The following CYP2J2 variants were observed in gnomAD, a reference collection of about 807,000 sequenced individuals.
CYP2J2 encodes the protein cytochrome P450 2J2.
A neutral mutation model predicts 48.8 loss-of-function variants in CYP2J2; 41 were observed. That is an observed-to-expected ratio of 0.84 (90% CI 0.66 to 1.09). CYP2J2 has a LOEUF of 1.09. Ranked by LOEUF, CYP2J2 falls within the 50% of genes least tolerant of loss-of-function variation. The probability of loss-of-function intolerance (pLI) is 0.00; values close to 1 mark genes in which losing one functional copy is unlikely to be tolerated. For missense variants in CYP2J2, 644 were observed against 617.3 expected (o/e 1.04, Z -0.46); for synonymous variants, 221 against 227.1 (o/e 0.97, Z 0.24).
chr1:59,900,586 A>G (rs534015707), intron 8 of CYP2J2, among the ~76,000 whole-genome samples: 1 of 152,310 alleles, frequency 6.6e-6, no homozygotes, highest in East Asian at 1.9e-4. Flanking sequence ...GTGAGCTGAG[A>G]TCATGGCATT....
intron 2 of CYP2J2, 74 bp from the exon 3 acceptor site, chr1:59,912,385 T>C: frequency 6.8e-7 from 1 of 1,478,724 alleles, no homozygotes; most frequent in East Asian, 2.3e-5. Flanking sequence ...TATGGGAATG[T>C]GTATCAGATG....
the CYP2J2 span, among the ~76,000 whole-genome samples, chr1:59,944,508 C>A: frequency 1.8e-4 from 28 of 152,202 alleles, no homozygotes; most frequent in African/African-American, 6.3e-4. Flanking sequence ...CAAGCATGAG[C>A]CACTGTGCCT....
intron 5 of CYP2J2, among the ~76,000 whole-genome samples, chr1:59,909,363 T>G (rs1238929730): frequency 6.6e-6 from 1 of 152,140 alleles, no homozygotes; most frequent in Admixed American, 6.5e-5. Context: ...CCTGGAACAT[T>G]CCAGTGGGCC....
the CYP2J2 span, among the ~76,000 whole-genome samples, chr1:59,952,256 A>G: frequency 6.6e-6 from 1 of 151,470 alleles, no homozygotes; most frequent in Admixed American, 6.6e-5. Flanking sequence ...CATAGCCACA[A>G]TGAACCTTGT....
At chr1:59,909,641 C>T (rs1464140688) in intron 5 of CYP2J2, 143 bp downstream of exon 5, 2 of 594,800 alleles carry the variant, frequency 3.4e-6, no homozygotes, top group African/African-American at 2.0e-5. Flanking sequence ...TTTCATACTT[C>T]TGATATCTAG....
chr1:59,916,228 T>C (rs1489058575), intron 1 of CYP2J2, 128 bp from the exon 2 acceptor site: 2 of 603,146 alleles, frequency 3.3e-6, no homozygotes, highest in African/African-American at 3.7e-5. Context: ...TGTGTACGTG[T>C]GTGTGTGTGT....
At chr1:59,961,099 A>C in the CYP2J2 span, among the ~76,000 whole-genome samples, 1 of 152,226 alleles carries the variant, frequency 6.6e-6, no homozygotes, top group Admixed American at 6.5e-5. Flanking sequence ...TCTTAGAGAC[A>C]ATATCTAAAG....
the CYP2J2 span, among the ~76,000 whole-genome samples, chr1:59,942,533 G>T: frequency 1.3e-5 from 2 of 152,068 alleles, no homozygotes; most frequent in Non-Finnish European, 2.9e-5. Context: ...GGTCAGTTTG[G>T]TTTATATTTT....
chr1:59,902,094 T>C (rs1178986719), intron 7 of CYP2J2, among the ~76,000 whole-genome samples: 2 of 152,184 alleles, frequency 1.3e-5, no homozygotes, highest in Non-Finnish European at 2.9e-5. Context: ...AGCATCCTTT[T>C]TAAATGCTAT....
the CYP2J2 span, among the ~76,000 whole-genome samples, chr1:59,935,025 T>TATAC: frequency 2.3e-5 from 2 of 85,846 alleles, no homozygotes; most frequent in Non-Finnish European, 5.0e-5. Context: ...CATATATATA[T>TATAC]ATATATATAT....
the CYP2J2 span, among the ~76,000 whole-genome samples, chr1:59,968,014 T>G: frequency 6.6e-6 from 1 of 152,120 alleles, no homozygotes; most frequent in African/African-American, 2.4e-5. Context: ...ATTGCAAGAA[T>G]TCTCTGTTCT....
In CYP2J2 at chr1:59,926,674, T is replaced by C; in HGVS notation, c.73A>G (p.Thr25Ala). The C allele has an allele frequency of 1.2e-6, 2 of 1,614,202 alleles. No homozygotes were observed. The highest frequency in any genetic ancestry group is 1.7e-6 in the Non-Finnish European group (2 of 1,180,026). ...TCAGCAGCGAGCAGAAAGGCGACAG[T>C]GCCCAGTAGGAGAGTCCGAGGATGG... ...VVHPRTLLLG[T>A]VAFLLAADFL... Residue 25 changes from threonine (T) to alanine (A), a missense_variant, in exon 1 of 9, where the codon ACT (threonine) becomes GCT (alanine). By Grantham distance (58) the Thr-to-Ala change is moderately conservative. Coordinates refer to ENST00000371204, the MANE Select transcript of CYP2J2 (RefSeq NM_000775.4).
In CYP2J2 at chr1:59,904,933, G is replaced by C. The variant is rs1644352637; in HGVS notation, c.1129C>G (p.Pro377Ala). 6.2e-7 allele frequency: 1 copy of C among 1,613,732 alleles called. No homozygotes were observed. Among genetic ancestry groups the C allele is most frequent in the Non-Finnish European group, 8.5e-7 (1 of 1,179,938 alleles). Residue 377 changes from proline (P) to alanine (A), a missense_variant, in exon 7 of 9, where the codon CCC (proline) becomes GCC (alanine). Coordinates refer to ENST00000371204, the MANE Select transcript of CYP2J2 (RefSeq NM_000775.4). ...HEVQRMGNII[P>A]LNVPREVTVD... Reference sequence around the variant, plus strand: ...GTCACTTCCCTGGGAACGTTCAGGGGGATGATGTTGCCCATTCTCTGCACC... The same window carrying C: ...GTCACTTCCCTGGGAACGTTCAGGGCGATGATGTTGCCCATTCTCTGCACC...
At chr1:59,913,762 T>C (rs1467639253) in intron 2 of CYP2J2, among the ~76,000 whole-genome samples, 2 of 152,238 alleles carry the variant, frequency 1.3e-5, no homozygotes, top group Non-Finnish European at 2.9e-5. Flanking sequence ...AGTCCCTTGC[T>C]CCTTTTCTTC....
chr1:59,906,806 T>G (rs1265255364), intron 6 of CYP2J2, among the ~76,000 whole-genome samples: 2 of 152,204 alleles, frequency 1.3e-5, no homozygotes, highest in African/African-American at 4.8e-5. Context: ...AATATACATA[T>G]AAAGCATACA....
chr1:59,958,433 A>AT, the CYP2J2 span, among the ~76,000 whole-genome samples: 2 of 152,122 alleles, frequency 1.3e-5, no homozygotes, highest in Admixed American at 1.3e-4. Context: ...CGCCTCCCCC[A>AT]TAGTCATTTG....
At chr1:59,957,898 A>G in the CYP2J2 span, among the ~76,000 whole-genome samples, 1 of 152,170 alleles carries the variant, frequency 6.6e-6, no homozygotes, top group Non-Finnish European at 1.5e-5. Context: ...AAAGAATAAA[A>G]TAGAATAATG....
chr1:59,935,027 T>TATATATATATATACATAC, the CYP2J2 span, among the ~76,000 whole-genome samples: 1 of 100,140 alleles, frequency 1.0e-5, no homozygotes, highest in South Asian at 3.0e-4. Context: ...TATATATATA[T>TATATATATATATACATAC]ATATATATAT....
the CYP2J2 span, among the ~76,000 whole-genome samples, chr1:59,934,993 T>C: frequency 2.4e-5 from 1 of 42,338 alleles, no homozygotes; most frequent in Non-Finnish European, 4.2e-5. Flanking sequence ...AAATGGGATA[T>C]ATATATATAT....
Sources: gnomAD v4.1 joint callset for allele counts (sites outside exome capture counted in the v4.1 genomes callset) on GRCh38, gnomAD v4.1.1 for gene constraint, MANE v1.5 for transcripts, NCBI Gene and HGNC (gene_info 2026-07-23, HGNC 2026-07-21) for gene names.